CCDC178: variants seen among roughly 807,000 people sequenced by gnomAD.
CCDC178 encodes the protein coiled-coil domain containing 178.
Under a neutral mutation model 117.4 loss-of-function variants are expected in CCDC178, and 126 were observed. The ratio of observed to expected loss-of-function variants is 1.07; its 90% CI spans 0.93 to 1.24. The LOEUF is 1.24. CCDC178 is among the 50% of genes most tolerant of loss of function. The pLI, the probability that CCDC178 is intolerant of heterozygous loss-of-function variation, is 0.00. For synonymous variants in CCDC178, 283 were observed against 313.4 expected (o/e 0.90, Z 1.02); for missense variants, 1,030 against 986.9 (o/e 1.04, Z -0.59).
At chr18:33,201,773 T>C (rs2058991676) in intron 20 of CCDC178, among the ~76,000 whole-genome samples, 1 of 152,176 alleles carries the variant, frequency 6.6e-6, no homozygotes, top group East Asian at 1.9e-4. Context: ...AACAAGTTTC[T>C]TTTTTCTCCT....
At chr18:33,435,399 C>G (rs2064274937) in intron 2 of CCDC178, among the ~76,000 whole-genome samples, 1 of 152,118 alleles carries the variant, frequency 6.6e-6, no homozygotes, top group Non-Finnish European at 1.5e-5. Flanking sequence ...ATGTAAGCAC[C>G]ATATCCTCAT....
intron 20 of CCDC178, among the ~76,000 whole-genome samples, chr18:33,156,074 A>G (rs2058390470): frequency 6.8e-6 from 1 of 148,034 alleles, no homozygotes. Flanking sequence ...CTGGCCAGCT[A>G]GAAAACACTT....
At chr18:33,224,131 T>C (rs2059272335) in intron 17 of CCDC178, among the ~76,000 whole-genome samples, 1 of 152,174 alleles carries the variant, frequency 6.6e-6, no homozygotes, top group African/African-American at 2.4e-5. Flanking sequence ...ACATTATTAT[T>C]TGCAAAGGAA....
At chr18:33,289,725 G>C (rs2060144181) in intron 12 of CCDC178, among the ~76,000 whole-genome samples, 1 of 151,922 alleles carries the variant, frequency 6.6e-6, no homozygotes, top group Admixed American at 6.6e-5. Context: ...ATATTAACCT[G>C]GGAATAAATA....
At chr18:33,141,609 AT>A (rs1157953614) in intron 20 of CCDC178, among the ~76,000 whole-genome samples, 1 of 152,200 alleles carries the variant, frequency 6.6e-6, no homozygotes, top group East Asian at 1.9e-4. Flanking sequence ...AATTTGGGAT[AT>A]TTTGTTTTAG....
chr18:33,049,940 G>T (rs1334386232), intron 21 of CCDC178, among the ~76,000 whole-genome samples: 2 of 151,916 alleles, frequency 1.3e-5, no homozygotes, highest in African/African-American at 4.8e-5. Flanking sequence ...AAATTAGCAG[G>T]GTGTGGTTCA....
At chr18:33,084,852 A>G (rs1480780642) in intron 21 of CCDC178, among the ~76,000 whole-genome samples, 1 of 151,736 alleles carries the variant, frequency 6.6e-6, no homozygotes, top group African/African-American at 2.4e-5. Flanking sequence ...TAATTTCTCC[A>G]ATTCATGTGT....
intron 7 of CCDC178, among the ~76,000 whole-genome samples, chr18:33,349,619 A>G (rs2062944123): frequency 6.6e-6 from 1 of 151,890 alleles, no homozygotes; most frequent in African/African-American, 2.4e-5. Flanking sequence ...AGAATCCTAA[A>G]CTAGCCTTCA....
intron 6 of CCDC178, among the ~76,000 whole-genome samples, chr18:33,368,596 A>G (rs1426401044): frequency 6.6e-6 from 1 of 151,938 alleles, no homozygotes; most frequent in Non-Finnish European, 1.5e-5. Context: ...ACAGTTTATC[A>G]ACTGTTCAGA....
intron 11 of CCDC178, among the ~76,000 whole-genome samples, chr18:33,302,370 C>CA (rs1268791590): frequency 2.0e-5 from 3 of 151,892 alleles, no homozygotes; most frequent in African/African-American, 4.8e-5. Flanking sequence ...GGTGAGAATG[C>CA]AAAAAAATAA....
intron 11 of CCDC178, among the ~76,000 whole-genome samples, chr18:33,319,996 T>C (rs912402694): frequency 1.3e-5 from 2 of 152,150 alleles, no homozygotes; most frequent in African/African-American, 2.4e-5. Flanking sequence ...AAAAATCACA[T>C]GATTATCTCA....
chr18:33,168,685 TAC>T (rs1448512564), intron 20 of CCDC178, among the ~76,000 whole-genome samples: 1 of 152,218 alleles, frequency 6.6e-6, no homozygotes, highest in African/African-American at 2.4e-5. Flanking sequence ...TTTAGGAATG[TAC>T]AGTTTTGTGT....
Position 33,198,619 on chromosome 18 carries a change from T to C in CCDC178, c.2238+13277A>G, listed in dbSNP as rs368886980. ...GCTATGTTTAGCAATGCTTAGCCCA[T>C]TTTATGCGATTTGTAAAAATTCTTG... On this transcript the variant is annotated intron_variant, in intron 20 of 22. Transcript: ENST00000383096. Among the ~76,000 whole-genome samples, 118 of 152,272 alleles carry C rather than the reference T, an allele frequency of 7.7e-4. 1 individual carries two copies. Among genetic ancestry groups the C allele is most frequent in the Middle Eastern group, 3.4e-3 (1 of 294 alleles).
At chr18:33,246,651 G>A (rs536119966) in intron 14 of CCDC178, among the ~76,000 whole-genome samples, 10 of 151,924 alleles carry the variant, frequency 6.6e-5, no homozygotes, top group Admixed American at 5.9e-4. Context: ...ATAAGTAGAG[G>A]AGAAGAAGCA....
chr18:33,001,464 G>A (rs977899136), intron 21 of CCDC178, among the ~76,000 whole-genome samples: 1 of 151,988 alleles, frequency 6.6e-6, no homozygotes, highest in African/African-American at 2.4e-5. Flanking sequence ...AGTGAGCCGA[G>A]ATCACGCCAC....
At position 33,046,500 on chromosome 18, in the gene CCDC178, T is replaced by C. The variant is rs142558449; in HGVS notation, c.2388+46261A>G. Among the ~76,000 whole-genome samples the C allele has an allele frequency of 1.4e-3, 213 of 151,388 alleles. 1 individual carries two copies. Among genetic ancestry groups the C allele is most frequent in the African/African-American group, 4.5e-3 (182 of 40,874 alleles). Reference sequence around the variant, plus strand: ...CATATACCTGTTAAAAATGAAAACGTTTACAAGACAAAGCTAAGTATAAGC... The same window carrying C: ...CATATACCTGTTAAAAATGAAAACGCTTACAAGACAAAGCTAAGTATAAGC... On this transcript the variant is annotated intron_variant, in intron 21 of 22. Transcript: ENST00000383096.
chr18:33,313,921 C>A (rs886216709), intron 11 of CCDC178, among the ~76,000 whole-genome samples: 33 of 152,240 alleles, frequency 2.2e-4, no homozygotes, highest in Admixed American at 3.3e-4. Flanking sequence ...AAATTGTGGG[C>A]CGGGCGCGGT....
chr18:33,024,390 G>A (rs892338134), intron 21 of CCDC178, among the ~76,000 whole-genome samples: 2 of 152,010 alleles, frequency 1.3e-5, no homozygotes, highest in Non-Finnish European at 2.9e-5. Context: ...CTCCTCACAT[G>A]ATTTTTCCTC....
intron 10 of CCDC178, 79 bp from the exon 11 acceptor site, chr18:33,323,712 G>A: frequency 2.3e-6 from 2 of 851,438 alleles, no homozygotes; most frequent in Non-Finnish European, 3.2e-6. Context: ...GTGTAGTATT[G>A]ATTTAGATCA....
Sources: allele counts gnomAD v4.1 joint callset (sites outside exome capture counted in the v4.1 genomes callset), GRCh38; gene constraint gnomAD v4.1.1; transcripts MANE v1.5; gene names NCBI Gene and HGNC (gene_info 2026-07-23, HGNC 2026-07-21).